The following MAGI1 variants were observed in gnomAD, a reference collection of about 807,000 sequenced individuals.
MAGI1 encodes the protein membrane-associated guanylate kinase, WW and PDZ domain-containing protein 1.
Under a neutral mutation model 139.9 loss-of-function variants are expected in MAGI1, and 58 were observed. The observed-to-expected ratio is 0.41, with a 90% CI of 0.34 to 0.52. MAGI1 has a LOEUF of 0.52. Among genes scored for constraint, MAGI1 ranks in the 20% least tolerant of loss-of-function variants. The probability of loss-of-function intolerance (pLI) is 0.12; values close to 1 mark genes in which losing one functional copy is unlikely to be tolerated. For synonymous variants in MAGI1, 812 were observed against 737.9 expected, an observed-to-expected ratio of 1.10 and a Z score of -1.63; for missense variants, 1,874 against 1,901.6, an observed-to-expected ratio of 0.99 and a Z score of 0.27.
intron 12 of MAGI1, among the ~76,000 whole-genome samples, chr3:65,407,186 C>G (rs767096583): frequency 7.9e-5 from 12 of 152,116 alleles, no homozygotes; most frequent in Admixed American, 2.0e-4. Context: ...GAGGCTCATT[C>G]CTGTAATCCC....
chr3:65,817,123 T>C (rs2041655102), intron 1 of MAGI1, among the ~76,000 whole-genome samples: 1 of 152,212 alleles, frequency 6.6e-6, no homozygotes, highest in African/African-American at 2.4e-5. Flanking sequence ...AACATGCCTG[T>C]GTACCGAGCT....
At chr3:65,831,473 T>G (rs751832968) in intron 1 of MAGI1, among the ~76,000 whole-genome samples, 1 of 152,188 alleles carries the variant, frequency 6.6e-6, no homozygotes, top group South Asian at 2.1e-4. Flanking sequence ...AGCATCTTAT[T>G]GTATAACCAC....
intron 1 of MAGI1, among the ~76,000 whole-genome samples, chr3:65,885,809 G>A (rs1012379309): frequency 2.6e-5 from 4 of 152,100 alleles, no homozygotes; most frequent in African/African-American, 9.7e-5. Context: ...CCCAGTCTCA[G>A]GTATGTGTGT....
chr3:65,844,834 TA>T (rs2058930843), intron 1 of MAGI1, among the ~76,000 whole-genome samples: 1 of 152,108 alleles, frequency 6.6e-6, no homozygotes, highest in African/African-American at 2.4e-5. Context: ...AATCACCCAC[TA>T]AAGGACACCC....
At chr3:65,930,173 G>A (rs2062731111) in intron 1 of MAGI1, among the ~76,000 whole-genome samples, 1 of 151,840 alleles carries the variant, frequency 6.6e-6, no homozygotes, top group Admixed American at 6.6e-5. Context: ...AAAATTAGTC[G>A]GGCGCAGTGG....
chr3:65,919,736 C>T (rs1173612376), intron 1 of MAGI1, among the ~76,000 whole-genome samples: 7 of 151,770 alleles, frequency 4.6e-5, no homozygotes, highest in African/African-American at 9.7e-5. Context: ...AAAAAGGCAA[C>T]GTTCCCCCAT....
chr3:65,772,506 G>A (rs2038037642), intron 1 of MAGI1, among the ~76,000 whole-genome samples: 1 of 152,290 alleles, frequency 6.6e-6, no homozygotes, highest in African/African-American at 2.4e-5. Context: ...TGAGTTCTCT[G>A]CAGAGAATGA....
chr3:65,629,515 A>C (rs189453981), intron 1 of MAGI1, among the ~76,000 whole-genome samples: 1 of 151,980 alleles, frequency 6.6e-6, no homozygotes, highest in East Asian at 2.0e-4. Flanking sequence ...AAGTCCATTT[A>C]TTAGGACAAC....
intron 1 of MAGI1, among the ~76,000 whole-genome samples, chr3:65,846,445 C>G (rs148546218): frequency 4.3e-4 from 65 of 152,328 alleles, no homozygotes; most frequent in African/African-American, 1.5e-3. Flanking sequence ...CTTAGCTACT[C>G]TAACCACACT....
intron 2 of MAGI1, among the ~76,000 whole-genome samples, chr3:65,495,392 C>G (rs1255491625): frequency 6.6e-6 from 1 of 152,060 alleles, no homozygotes; most frequent in Non-Finnish European, 1.5e-5. Context: ...TAGAATCTTA[C>G]CGTTCAAATC....
intron 1 of MAGI1, among the ~76,000 whole-genome samples, chr3:65,708,837 A>T (rs2030858069): frequency 6.6e-6 from 1 of 152,166 alleles, no homozygotes; most frequent in South Asian, 2.1e-4. Context: ...TTCTTCACCA[A>T]ATTCCAGGAT....
At chr3:65,869,374 T>TTGC (rs781675699) in intron 1 of MAGI1, among the ~76,000 whole-genome samples, 25 of 99,850 alleles carry the variant, frequency 2.5e-4, no homozygotes, top group Middle Eastern at 9.6e-3. Context: ...TTTTTTGTTG[T>TTGC]TGTTGTTGTT....
chr3:65,707,689 CAA>C (rs57489811), intron 1 of MAGI1, among the ~76,000 whole-genome samples: 18,697 of 87,664 alleles, frequency 0.21, 1,166 homozygotes, highest in Non-Finnish European at 0.24. Context: ...TACCCTATCT[CAA>C]AAAAAAAAAA....
At chr3:65,899,587 C>T (rs2061132103) in intron 1 of MAGI1, among the ~76,000 whole-genome samples, 1 of 152,140 alleles carries the variant, frequency 6.6e-6, no homozygotes, top group African/African-American at 2.4e-5. Context: ...CTACAGACAA[C>T]AATACCAGGG....
At chr3:65,923,835 G>A (rs1442139291) in intron 1 of MAGI1, among the ~76,000 whole-genome samples, 1 of 152,186 alleles carries the variant, frequency 6.6e-6, no homozygotes, top group Admixed American at 6.5e-5. Flanking sequence ...GCAAAAAAGA[G>A]CGTTGTTTCC....
At chr3:65,621,897 T>C (rs2083687910) in intron 2 of MAGI1, 75 bp downstream of exon 2, 1 of 1,061,360 alleles carries the variant, frequency 9.4e-7, no homozygotes, top group Admixed American at 2.1e-5. Context: ...TGTTGAGATC[T>C]CCTTTCTCCC....
intron 1 of MAGI1, among the ~76,000 whole-genome samples, chr3:65,918,841 T>G (rs951424174): frequency 6.6e-6 from 1 of 152,152 alleles, no homozygotes; most frequent in East Asian, 1.9e-4. Context: ...TAAATGCAAG[T>G]TAAGGAGAAT....
At chr3:65,929,257 T>A (rs928174049) in intron 1 of MAGI1, among the ~76,000 whole-genome samples, 1 of 152,154 alleles carries the variant, frequency 6.6e-6, no homozygotes, top group African/African-American at 2.4e-5. Flanking sequence ...TTTCATCCTT[T>A]CTCCTCAATC....
chr3:65,424,160 G>C (rs1167479015), intron 12 of MAGI1, among the ~76,000 whole-genome samples: 2 of 152,158 alleles, frequency 1.3e-5, no homozygotes, highest in Non-Finnish European at 2.9e-5. Context: ...TGGTAACACA[G>C]CTTGAACATA....
Sources: allele counts gnomAD v4.1 joint callset (sites outside exome capture counted in the v4.1 genomes callset), GRCh38; gene constraint gnomAD v4.1.1; transcripts MANE v1.5; gene names NCBI Gene and HGNC (gene_info 2026-07-23, HGNC 2026-07-21).